FAM217A: variants seen among roughly 807,000 people sequenced by gnomAD.
The protein encoded by FAM217A is protein FAM217A.
FAM217A carries 13 observed loss-of-function variants against 18.5 expected under a neutral mutation model. That is an observed-to-expected ratio of 0.70 (90% CI 0.46 to 1.12). The LOEUF is 1.12. FAM217A is among the 50% of genes most tolerant of loss of function. The pLI is 0.00. For synonymous variants in FAM217A, 161 were observed against 202.8 expected, an observed-to-expected ratio of 0.79 and a Z score of 1.75; for missense variants, 560 against 575.4, an observed-to-expected ratio of 0.97 and a Z score of 0.27.
intron 1 of FAM217A, among the ~76,000 whole-genome samples, chr6:4,086,094 C>A: frequency 6.6e-6 from 1 of 151,032 alleles, no homozygotes; most frequent in East Asian, 1.9e-4. Context: ...GAGCAAAATT[C>A]TGTCTCAAAA....
rs149760129 is a variant in FAM217A, at chr6:4,073,457, C to T, written c.210G>A (p.Ser70=). Residue 70 remains serine (S), a synonymous_variant, in exon 5 of 7, where the codon TCG becomes TCA. Coordinates refer to ENST00000274673, the MANE Select transcript of FAM217A (RefSeq NM_173563.3). The part of the protein sequence containing the change: ...VEQLMLEPNL[S]VHSQKSTQNS... The stretch of plus-strand genomic sequence containing the variant: ...CCTGTGTACTTTTTTGACTATGCAC[C>T]GACAAATTAGGTTCTAGCATCAGTT... The T allele has an allele frequency of 2.4e-5, 38 of 1,612,982 alleles. No individual in the cohort carries two copies. The highest frequency in any genetic ancestry group is 1.7e-4 in the Middle Eastern group (1 of 6,060).
chr6:4,083,528 CT>C (rs1045050810), upstream of FAM217A, among the ~76,000 whole-genome samples: 63 of 151,232 alleles, frequency 4.2e-4, no homozygotes, highest in African/African-American at 1.2e-3. Flanking sequence ...ACAGCAGAAT[CT>C]TTTTGTTTCT....
At chr6:4,083,036 C>T (rs1465935092), upstream of FAM217A, among the ~76,000 whole-genome samples, 1 of 152,178 alleles carries the variant, frequency 6.6e-6, no homozygotes, top group Non-Finnish European at 1.5e-5. Flanking sequence ...TAGTGGTAGC[C>T]TCAGCTTGCC....
intron 2 of FAM217A, chr6:4,084,475 CCTTT>C: frequency 1.6e-6 from 1 of 613,142 alleles, no homozygotes; most frequent in South Asian, 2.0e-5. Flanking sequence ...GCTTCATAAG[CCTTT>C]CTGTTTTTCA....
At chr6:4,079,259 CG>C (rs1225744915), upstream of FAM217A, 2 of 173,728 alleles carry the variant, frequency 1.2e-5, no homozygotes, top group Admixed American at 1.3e-4. Context: ...CGGAGCCTCT[CG>C]GGGGTCACCC....
In FAM217A at chr6:4,068,800, G is replaced by A; in HGVS notation, c.1423C>T (p.Gln475Ter). ...AATGGTCTATTCAACACTATATTTT[G>A]TCGGTAAAGTTTCTTTTTGGTCCCA... is the stretch of plus-strand genomic sequence containing the variant. ...NFGTKKKLYR[Q>*]NIVLNRPFSI... Residue 475 changes from glutamine to a stop codon, truncating the protein, a stop_gained, in exon 7 of 7, where the codon CAA becomes TAA. Transcript: ENST00000274673. LOFTEE classifies it low-confidence loss of function (END_TRUNC). 1 of 1,614,132 alleles carries A rather than the reference G, an allele frequency of 6.2e-7. No homozygotes were observed. The highest frequency in any genetic ancestry group is 8.5e-7 in the Non-Finnish European group (1 of 1,179,992).
rs1257525619 is a variant in FAM217A, at chr6:4,073,305, G to C, written c.272C>G (p.Pro91Arg). 1 of 1,609,600 alleles carries C rather than the reference G, an allele frequency of 6.2e-7. No individual in the cohort carries two copies. The change falls in exon 6 of 7, where the codon CCT becomes CGT. Residue 91 changes from proline (P) to arginine (R), a missense_variant. Coordinates refer to ENST00000274673, the MANE Select transcript of FAM217A (RefSeq NM_173563.3). ...KQGIFQLWNC[P>R]LNEGSTIEKR... Reference sequence around the variant, plus strand: ...CTCTATGGTACTTCCTTCATTAAGAGGACAATTCCATAATTGAAAGATCCC... The same window carrying C: ...CTCTATGGTACTTCCTTCATTAAGACGACAATTCCATAATTGAAAGATCCC...
intron 2 of FAM217A, among the ~76,000 whole-genome samples, chr6:4,076,576 A>T (rs1769808654): frequency 6.6e-6 from 1 of 152,162 alleles, no homozygotes. Context: ...TTGCAATTCT[A>T]AAATAAAATT....
At chr6:4,070,137 G>T (rs1769307117) in intron 6 of FAM217A, among the ~76,000 whole-genome samples, 1 of 152,134 alleles carries the variant, frequency 6.6e-6, no homozygotes, top group South Asian at 2.1e-4. Flanking sequence ...AATATTAACT[G>T]GGCATCCCTT....
intron 6 of FAM217A, 127 bp downstream of exon 6, chr6:4,073,148 C>T: frequency 1.4e-6 from 1 of 693,190 alleles, no homozygotes; most frequent in Non-Finnish European, 2.3e-6. Flanking sequence ...TCTACAATTG[C>T]CCACTATTCC....
Position 4,074,678 on chromosome 6 carries a change from T to TA in FAM217A, c.61-18_61-17insT. The TA allele has an allele frequency of 1.9e-6, 3 of 1,551,822 alleles. No individual in the cohort carries two copies. Among genetic ancestry groups the TA allele is most frequent in the Non-Finnish European group, 2.7e-6 (3 of 1,125,346 alleles). ...AGATAAGTTCTAAAACAATATTTGT[T>TA]TTAGGATAAACTTAACATTAAGAAA... On this transcript the variant is annotated splice_polypyrimidine_tract_variant and intron_variant, in intron 2 of 6. Coordinates refer to ENST00000274673, the MANE Select transcript of FAM217A (RefSeq NM_173563.3).
chr6:4,080,524 G>C (rs1770217650), upstream of FAM217A, among the ~76,000 whole-genome samples: 1 of 152,082 alleles, frequency 6.6e-6, no homozygotes, highest in Non-Finnish European at 1.5e-5. Flanking sequence ...AACAAGATTT[G>C]TGCAGGCCTC....
intron 1 of FAM217A, 58 bp from the exon 2 acceptor site, chr6:4,077,506 A>G: frequency 7.3e-7 from 1 of 1,372,958 alleles, no homozygotes; most frequent in Non-Finnish European, 1.0e-6. Context: ...TATAAAAAAG[A>G]AAGTGTGAGT....
chr6:4,070,004 CA>C (rs1769298977), intron 6 of FAM217A, 84 bp from the exon 7 acceptor site: 4 of 1,017,410 alleles, frequency 3.9e-6, no homozygotes, highest in Non-Finnish European at 5.5e-6. Context: ...TACCCTTTAT[CA>C]AAGATTGGTT....
Position 4,069,060 on chromosome 6 carries a change from CT to C in FAM217A, c.1162del (p.Ser388ValfsTer8), listed in dbSNP as rs759652397. 2.5e-6 allele frequency: 4 copies of C among 1,613,840 alleles called. No homozygotes were observed. The highest frequency in any genetic ancestry group is 3.3e-5 in the Admixed American group (2 of 59,964). On this transcript the variant is annotated frameshift_variant, in exon 7 of 7. Coordinates refer to ENST00000274673, the MANE Select transcript of FAM217A (RefSeq NM_173563.3). LOFTEE classifies it low-confidence loss of function (END_TRUNC). ...RWNSRPLSLKSSSTPKQLIET... is the reference protein window; with the variant it reads ...RWNSRPLSLKXSSTPKQLIET... Reference sequence around the variant, plus strand: ...AATCAATTGTTTTGGGGTGGAAGAACTTTTTAGAGACAGTGGTCTAGAATTC... The same window carrying C: ...AATCAATTGTTTTGGGGTGGAAGAACTTTTAGAGACAGTGGTCTAGAATTC...
chr6:4,080,386 G>A (rs1770209266), upstream of FAM217A, among the ~76,000 whole-genome samples: 1 of 152,176 alleles, frequency 6.6e-6, no homozygotes, highest in Non-Finnish European at 1.5e-5. Flanking sequence ...CTCCCCAGTA[G>A]AATATCAAAC....
At chr6:4,084,611 C>T in exon 2 of FAM217A, 2 of 702,936 alleles carry the variant, frequency 2.8e-6, no homozygotes, top group Non-Finnish European at 5.2e-6. Flanking sequence ...ACTTGAAGTC[C>T]CTTTCTGGTC....
chr6:4,073,155 T>C (rs1379155999), intron 6 of FAM217A, 120 bp downstream of exon 6: 1 of 765,730 alleles, frequency 1.3e-6, no homozygotes, highest in Non-Finnish European at 2.0e-6. Context: ...TTGCCCACTA[T>C]TCCCACAGAA....
At chr6:4,072,250 G>T (rs1769471870) in intron 6 of FAM217A, among the ~76,000 whole-genome samples, 1 of 152,092 alleles carries the variant, frequency 6.6e-6, no homozygotes, top group African/African-American at 2.4e-5. Flanking sequence ...CTGAGGCAGA[G>T]AATTGCTTGA....
Sources: allele counts gnomAD v4.1 joint callset (sites outside exome capture counted in the v4.1 genomes callset), GRCh38; gene constraint gnomAD v4.1.1; transcripts MANE v1.5; gene names NCBI Gene and HGNC (gene_info 2026-07-23, HGNC 2026-07-21).